ATP8B1: variants seen among roughly 807,000 people sequenced by gnomAD.
The protein encoded by ATP8B1 is phospholipid-transporting ATPase IC.
Under a neutral mutation model 149.9 loss-of-function variants are expected in ATP8B1, and 80 were observed. The observed-to-expected ratio is 0.53, with a 90% CI of 0.45 to 0.64. The LOEUF is 0.64. ATP8B1 is among the 30% of genes least tolerant of loss of function. The probability of loss-of-function intolerance (pLI) is 0.00; values close to 1 mark genes in which losing one functional copy is unlikely to be tolerated. For synonymous variants in ATP8B1, 536 were observed against 562.8 expected (o/e 0.95, Z 0.67); for missense variants, 1,247 against 1,552.6 (o/e 0.80, Z 3.31).
At chr18:57,691,111 GT>G (rs1164505822) in intron 12 of ATP8B1, among the ~76,000 whole-genome samples, 1 of 150,536 alleles carries the variant, frequency 6.6e-6, no homozygotes, top group Admixed American at 6.7e-5. Context: ...GGAGGCAGAG[GT>G]TGCAGTGAGC....
chr18:57,688,839 T>C (rs1360190682), intron 12 of ATP8B1, among the ~76,000 whole-genome samples: 1 of 152,162 alleles, frequency 6.6e-6, no homozygotes, highest in African/African-American at 2.4e-5. Flanking sequence ...AAGCAGAAAG[T>C]GAGCCTTTGC....
At chr18:57,745,341 G>A (rs951375695) in intron 1 of ATP8B1, among the ~76,000 whole-genome samples, 5 of 151,784 alleles carry the variant, frequency 3.3e-5, no homozygotes, top group East Asian at 3.9e-4. Flanking sequence ...GGGAGATCTC[G>A]GCTCACTGCA....
At chr18:57,800,550 A>C (rs544986917) in intron 1 of ATP8B1, among the ~76,000 whole-genome samples, 1 of 152,236 alleles carries the variant, frequency 6.6e-6, no homozygotes, top group Non-Finnish European at 1.5e-5. Context: ...AGGCAATAAA[A>C]TCTTAAAAAT....
chr18:57,681,839 T>A (rs1454641455), intron 15 of ATP8B1, among the ~76,000 whole-genome samples: 1 of 151,072 alleles, frequency 6.6e-6, no homozygotes, highest in Non-Finnish European at 1.5e-5. Flanking sequence ...GTCCCCAAGG[T>A]CCCTTTCAAG....
At chr18:57,688,026 G>A (rs1007628982) in intron 13 of ATP8B1, among the ~76,000 whole-genome samples, 1 of 152,066 alleles carries the variant, frequency 6.6e-6, no homozygotes, top group African/African-American at 2.4e-5. Flanking sequence ...CTTGGGATCT[G>A]CCCACTTCAC....
rs772337988 is a variant in ATP8B1, at chr18:57,652,744, A to C, written c.3016-15T>G. ...TCACTCACATCCTTAAGGAGAAAAC[A>C]AAATGATGGTATTTTATTCATCAGG... is the stretch of plus-strand genomic sequence containing the variant. On this transcript the variant is annotated splice_polypyrimidine_tract_variant and intron_variant, in intron 24 of 27. Transcript: ENST00000648908. 6.2e-7 allele frequency: 1 copy of C among 1,614,116 alleles called. No individual in the cohort carries two copies. The highest frequency in any genetic ancestry group is 8.5e-7 in the Non-Finnish European group (1 of 1,179,964).
rs1368102221 is a variant in ATP8B1 at position 57,652,468 on chromosome 18, A to G, written c.3261+16T>C. The G allele has an allele frequency of 2.5e-6, 4 of 1,614,216 alleles. No individual in the cohort carries two copies. Among genetic ancestry groups the G allele is most frequent in the Admixed American group, 1.7e-5 (1 of 60,026 alleles). On this transcript the variant is annotated intron_variant, in intron 25 of 27. Coordinates refer to ENST00000648908, the MANE Select transcript of ATP8B1 (RefSeq NM_001374385.1). Reference sequence around the variant, plus strand: ...GTACCAATAGACACTGAATACGGCCAATGAAAGCCACGTACCTGGAAATTG... The same window carrying G: ...GTACCAATAGACACTGAATACGGCCGATGAAAGCCACGTACCTGGAAATTG...
At chr18:57,690,703 A>T (rs992033965) in intron 12 of ATP8B1, among the ~76,000 whole-genome samples, 2 of 152,212 alleles carry the variant, frequency 1.3e-5, no homozygotes, top group African/African-American at 4.8e-5. Context: ...TGCACATATA[A>T]TGACACTAAA....
chr18:57,706,638 A>G lies in ATP8B1; in HGVS notation c.182-51T>C, dbSNP rs758533748. On this transcript the variant is annotated intron_variant, in intron 2 of 27. Coordinates refer to ENST00000648908, the MANE Select transcript of ATP8B1 (RefSeq NM_001374385.1). ...GTAAGTAGCAAATTAACATGTTGTT[A>G]TGAGTTGAATTGTGTCTTCCCCAGA... The G allele has an allele frequency of 2.8e-6, 4 of 1,407,252 alleles. No individual in the cohort carries two copies. In the South Asian group the frequency reaches 3.6e-5, roughly 13 times the overall value. 87.2% of individuals were successfully genotyped at this position (1,407,252 alleles called of 1,614,324 possible).
At chr18:57,672,265 T>G (rs1169185573) in intron 16 of ATP8B1, among the ~76,000 whole-genome samples, 3 of 152,222 alleles carry the variant, frequency 2.0e-5, no homozygotes, top group Non-Finnish European at 4.4e-5. Flanking sequence ...TTACTGCTTT[T>G]AATACTTCGA....
intron 1 of ATP8B1, among the ~76,000 whole-genome samples, chr18:57,779,417 AT>A (rs778505920): frequency 2.6e-5 from 4 of 152,214 alleles, no homozygotes; most frequent in Non-Finnish European, 5.9e-5. Flanking sequence ...GAGGCAGAGA[AT>A]TAGGAGCACT....
At chr18:57,675,141 C>T in intron 15 of ATP8B1, 119 bp from the exon 16 acceptor site, 3 of 977,114 alleles carry the variant, frequency 3.1e-6, no homozygotes, top group Middle Eastern at 3.1e-4. Context: ...CAAAACATCC[C>T]CAGGAAAACG....
intron 1 of ATP8B1, among the ~76,000 whole-genome samples, chr18:57,746,852 G>A (rs531146661): frequency 6.6e-6 from 1 of 152,294 alleles, no homozygotes; most frequent in South Asian, 2.1e-4. Context: ...ATGGAAGTGG[G>A]TTCATGGAAT....
chr18:57,709,613 C>G (rs890959775), intron 2 of ATP8B1, among the ~76,000 whole-genome samples: 17 of 152,132 alleles, frequency 1.1e-4, no homozygotes, highest in African/African-American at 3.9e-4. Context: ...ACTTGAACTA[C>G]AAAGATAATT....
chr18:57,752,841 A>G (rs1278837814), intron 1 of ATP8B1, among the ~76,000 whole-genome samples: 2 of 152,218 alleles, frequency 1.3e-5, no homozygotes, highest in Non-Finnish European at 2.9e-5. Context: ...CCAGAACAGC[A>G]TGTAACACAC....
intron 22 of ATP8B1, among the ~76,000 whole-genome samples, chr18:57,658,627 TTGTGTGTGTGTGTGTGTG>T (rs71171058): frequency 8.8e-4 from 128 of 145,086 alleles, no homozygotes; most frequent in African/African-American, 3.2e-3. Flanking sequence ...AACAATTTCT[TTGTGTGTGTGTGTGTGTG>T]TGTGTGTGTG....
chr18:57,716,129 T>G (rs1055648492), intron 2 of ATP8B1, among the ~76,000 whole-genome samples: 2 of 152,124 alleles, frequency 1.3e-5, no homozygotes, highest in African/African-American at 4.8e-5. Context: ...TTCTTTTAGC[T>G]TAAAATAATG....
chr18:57,674,562 A>G (rs1326397040), intron 16 of ATP8B1, among the ~76,000 whole-genome samples: 2 of 150,948 alleles, frequency 1.3e-5, no homozygotes, highest in Non-Finnish European at 3.0e-5. Flanking sequence ...TTTTTTTTGT[A>G]TTTTTAGTAG....
At chr18:57,787,406 C>A (rs1483306423) in intron 1 of ATP8B1, among the ~76,000 whole-genome samples, 1 of 134,602 alleles carries the variant, frequency 7.4e-6, no homozygotes, top group Non-Finnish European at 1.7e-5. Flanking sequence ...TAGAGCACTG[C>A]GGGAGGAGCT....
Sources: gnomAD v4.1 joint callset for allele counts (sites outside exome capture counted in the v4.1 genomes callset) on GRCh38, gnomAD v4.1.1 for gene constraint, MANE v1.5 for transcripts, NCBI Gene and HGNC (gene_info 2026-07-23, HGNC 2026-07-21) for gene names.